TUB: variants seen among roughly 807,000 people sequenced by gnomAD.
The protein encoded by TUB is TUB bipartite transcription factor.
A neutral mutation model predicts 59.7 loss-of-function variants in TUB; 33 were observed. The ratio of observed to expected loss-of-function variants is 0.55; its 90% CI spans 0.42 to 0.74. TUB has a LOEUF of 0.74. TUB is among the 30% of genes least tolerant of loss of function. The pLI is 0.00. For missense variants in TUB, 659 were observed against 672.0 expected (o/e 0.98, Z 0.21); for synonymous variants, 293 against 256.4 (o/e 1.14, Z -1.36).
chr11:8,069,403 G>GT (rs1334917025), intron 2 of TUB: 2 of 146,576 alleles, frequency 1.4e-5, no homozygotes, highest in Non-Finnish European at 3.0e-5. Context: ...TTCTTTCGGG[G>GT]GGGGGGGGTA....
upstream of TUB, chr11:8,076,924 C>T (rs943742049): frequency 6.6e-6 from 1 of 152,110 alleles, no homozygotes; most frequent in Non-Finnish European, 1.5e-5. Context: ...CATTGTAAGC[C>T]TATTTATCTC....
chr11:8,039,474 A>G (rs947957238), intron 1 of TUB: 1 of 511,968 alleles, frequency 2.0e-6, no homozygotes, highest in Non-Finnish European at 3.3e-6. Context: ...CAGAGTGAGC[A>G]CTCTATGGAA....
intron 1 of TUB, among the ~76,000 whole-genome samples, chr11:8,086,349 G>A (rs1943665666): frequency 6.6e-6 from 1 of 152,172 alleles, no homozygotes. Context: ...TGGTGCTGGG[G>A]TGGAGATGAG....
At chr11:8,051,002 C>T (rs995963824) in intron 2 of TUB, among the ~76,000 whole-genome samples, 7 of 152,176 alleles carry the variant, frequency 4.6e-5, no homozygotes, top group Non-Finnish European at 1.0e-4. Flanking sequence ...TAGCTAACGG[C>T]CAGGACCAGT....
upstream of TUB, chr11:8,077,285 T>A (rs1943465820): frequency 1.3e-5 from 2 of 152,224 alleles, no homozygotes; most frequent in African/African-American, 4.8e-5. Context: ...TATAGGATAT[T>A]TCCAAATTAT....
intron 2 of TUB, chr11:8,068,098 T>C (rs935643654): frequency 1.5e-4 from 23 of 152,136 alleles, no homozygotes; most frequent in African/African-American, 5.6e-4. Flanking sequence ...TAAAAACCAT[T>C]CCACTTGTTT....
At chr11:8,054,283 T>C (rs973656905) in intron 2 of TUB, among the ~76,000 whole-genome samples, 7 of 152,182 alleles carry the variant, frequency 4.6e-5, no homozygotes, top group African/African-American at 7.2e-5. Flanking sequence ...GAAAGTTCAT[T>C]GTGTTGAGAT....
At chr11:8,065,671 G>A (rs1360329778) in intron 2 of TUB, among the ~76,000 whole-genome samples, 2 of 152,204 alleles carry the variant, frequency 1.3e-5, no homozygotes, top group African/African-American at 2.4e-5. Context: ...ACGAGGTGGA[G>A]GGTAAAGGAA....
rs150936269 is a variant in TUB at position 8,039,027 on chromosome 11, C to T, written c.154C>T (p.Arg52Trp). 293 of 1,612,258 alleles carry T rather than the reference C, an allele frequency of 1.8e-4. No individual in the cohort carries two copies. The highest frequency in any genetic ancestry group is 2.4e-4 in the Non-Finnish European group (279 of 1,179,700). The change falls in exon 1 of 13, where the codon CGG becomes TGG. Residue 52 changes from arginine to tryptophan, a missense_variant and splice_region_variant. Physicochemically the swap from Arg to Trp is moderately radical, Grantham distance 101. Coordinates refer to the TUB transcript ENST00000305253. ...CCTGAAACGGGGCCACCGAAGAGAT[C>T]GGTAAGCTTTCAACATCCTGCCTTT...
At chr11:8,061,852 C>A (rs968433033) in intron 2 of TUB, among the ~76,000 whole-genome samples, 6 of 151,996 alleles carry the variant, frequency 3.9e-5, no homozygotes, top group Admixed American at 1.3e-4. Context: ...TGGAGGGGGG[C>A]CCAGTAGAAG....
chr11:8,052,303 C>G (rs879348445), intron 2 of TUB, among the ~76,000 whole-genome samples: 7 of 152,132 alleles, frequency 4.6e-5, no homozygotes, highest in African/African-American at 1.2e-4. Flanking sequence ...CATACAGGAA[C>G]AGGGGATGCA....
upstream of TUB, chr11:8,077,433 G>A (rs1943467190): frequency 6.6e-6 from 1 of 152,166 alleles, no homozygotes; most frequent in South Asian, 2.1e-4. Context: ...TTGCACCTTG[G>A]TTTTCAAGTG....
chr11:8,091,329 G>A (rs1473264904), intron 3 of TUB, among the ~76,000 whole-genome samples: 1 of 152,222 alleles, frequency 6.6e-6, no homozygotes, highest in Admixed American at 6.5e-5. Context: ...TCGGTCCCCT[G>A]TGTGCATGTG....
chr11:8,045,010 G>T (rs1942809564), intron 2 of TUB, among the ~76,000 whole-genome samples: 1 of 152,148 alleles, frequency 6.6e-6, no homozygotes, highest in Non-Finnish European at 1.5e-5. Flanking sequence ...GTCATTTAGG[G>T]TTTTATGGAG....
rs1206472417 is a variant in TUB, at chr11:8,081,308, C to T, written c.-203C>T. On this transcript the variant is annotated 5_prime_UTR_variant, in exon 1 of 12. Transcript: ENST00000299506. The stretch of plus-strand genomic sequence containing the variant: ...CGCGCACTCCCGGAGCTTCGCCCAT[C>T]TCGCCTCGCCGCGCCGCGCAGGCAG... 2 of 940,994 alleles carry T rather than the reference C, an allele frequency of 2.1e-6. No individual in the cohort carries two copies. Among genetic ancestry groups the T allele is most frequent in the Admixed American group, 6.2e-5 (1 of 16,168 alleles). The allele number at this position is 940,994 out of a possible 1,614,324, so 58.3% of individuals were successfully genotyped here.
chr11:8,030,159 A>T (rs1362603949), intron 1 of TUB, among the ~76,000 whole-genome samples: 5 of 152,112 alleles, frequency 3.3e-5, no homozygotes, highest in Middle Eastern at 3.2e-3. Flanking sequence ...CCCGCGCTGA[A>T]GTTTGACATC....
At position 8,085,753 on chromosome 11, in the gene TUB, G is replaced by T. The variant is rs189932413; in HGVS notation, c.39-3857G>T. Reference sequence around the variant, plus strand: ...GACCCCTGGGCCTCTGGTTAGCACTGATGGAGTAGCTGGAGCATGTAAGGT... The same window carrying T: ...GACCCCTGGGCCTCTGGTTAGCACTTATGGAGTAGCTGGAGCATGTAAGGT... On this transcript the variant is annotated intron_variant, in intron 1 of 11. Coordinates refer to ENST00000299506, the MANE Select transcript of TUB (RefSeq NM_177972.3). Among the ~76,000 whole-genome samples, 309 of 152,360 alleles carry T rather than the reference G, an allele frequency of 2.0e-3. 4 individuals carry two copies. The highest frequency in any genetic ancestry group is 6.3e-4 in the Non-Finnish European group (43 of 68,026).
In TUB at chr11:8,096,824, C is replaced by T. The variant is rs1433957552; in HGVS notation, c.687+18C>T. ...CCGTCAGGGTGAGTGAGTGAGTCTG[C>T]ATCCACAGCAGTTTTTGGAGGACTG... On this transcript the variant is annotated intron_variant, in intron 6 of 11. Coordinates refer to ENST00000299506, the MANE Select transcript of TUB (RefSeq NM_177972.3). The T allele has an allele frequency of 5.6e-6, 9 of 1,613,770 alleles. No homozygotes were observed. Among genetic ancestry groups the T allele is most frequent in the Admixed American group, 5.0e-5 (3 of 59,988 alleles).
intron 3 of TUB, among the ~76,000 whole-genome samples, chr11:8,093,441 A>G (rs1943848561): frequency 6.6e-6 from 1 of 152,178 alleles, no homozygotes; most frequent in Non-Finnish European, 1.5e-5. Flanking sequence ...ATCAGAAACC[A>G]TTCAAGGATT....
Sources: allele counts gnomAD v4.1 joint callset (sites outside exome capture counted in the v4.1 genomes callset), GRCh38; gene constraint gnomAD v4.1.1; transcripts MANE v1.5; gene names NCBI Gene and HGNC (gene_info 2026-07-23, HGNC 2026-07-21).